The following ZNF804B variants were observed in gnomAD, a reference collection of about 807,000 sequenced individuals.
The protein encoded by ZNF804B is zinc finger protein 804B, also known as zinc finger 804B.
A neutral mutation model predicts 101.4 loss-of-function variants in ZNF804B; 80 were observed. That is an observed-to-expected ratio of 0.79 (90% confidence interval 0.66 to 0.95). ZNF804B has a LOEUF of 0.95. ZNF804B is among the 40% of genes least tolerant of loss of function. ZNF804B has a pLI of 0.00. For missense variants in ZNF804B, 1,673 were observed against 1,561.9 expected (o/e 1.07, Z -1.20); for synonymous variants, 622 against 558.8 (o/e 1.11, Z -1.59).
At chr7:89,329,473 T>C (rs928410699) in intron 3 of ZNF804B, among the ~76,000 whole-genome samples, 2 of 151,758 alleles carry the variant, frequency 1.3e-5, no homozygotes, top group Admixed American at 1.3e-4. Context: ...CTTTGTCCTT[T>C]TTCCTCATAA....
intron 1 of ZNF804B, among the ~76,000 whole-genome samples, chr7:89,065,806 G>A (rs1035896209): frequency 6.6e-5 from 10 of 151,748 alleles, no homozygotes; most frequent in African/African-American, 9.7e-5. Context: ...TTCCATCTTC[G>A]GATCCTCTTT....
intron 2 of ZNF804B, among the ~76,000 whole-genome samples, chr7:89,269,600 A>G (rs567694299): frequency 1.1e-3 from 172 of 152,256 alleles, no homozygotes; most frequent in African/African-American, 3.8e-3. Context: ...GGCTGGGTCA[A>G]ATGGTATTTC....
At chr7:89,263,718 A>C (rs1472212271) in intron 2 of ZNF804B, among the ~76,000 whole-genome samples, 1 of 152,086 alleles carries the variant, frequency 6.6e-6, no homozygotes, top group Non-Finnish European at 1.5e-5. Flanking sequence ...ACACAGGGAG[A>C]AGGAACAGAA....
chr7:89,182,216 G>A lies in ZNF804B; in HGVS notation c.109-35939G>A, dbSNP rs56828131. 6.3e-3 allele frequency among the ~76,000 whole-genome samples: 958 copies of A among 152,140 alleles called. 8 individuals carry two copies. Among genetic ancestry groups the A allele is most frequent in the African/African-American group, 0.019 (789 of 41,514 alleles). On this transcript the variant is annotated intron_variant, in intron 1 of 3. Transcript: ENST00000333190. ...ATAGTATTGTGGATATAATTTATGC[G>A]TCTAAAATTGAGATGCCATGTAAAA... is the stretch of plus-strand genomic sequence containing the variant.
At chr7:89,116,272 A>G (rs1301295813) in intron 1 of ZNF804B, among the ~76,000 whole-genome samples, 2 of 152,046 alleles carry the variant, frequency 1.3e-5, no homozygotes, top group Non-Finnish European at 2.9e-5. Context: ...TGAATAAGGT[A>G]TTTGTGATGT....
chr7:89,290,062 A>T (rs1584107523), intron 2 of ZNF804B, among the ~76,000 whole-genome samples: 1 of 152,104 alleles, frequency 6.6e-6, no homozygotes, highest in African/African-American at 2.4e-5. Flanking sequence ...TTGTGAGGCC[A>T]CCCTTCCAGT....
chr7:89,204,713 C>T (rs1031838495), intron 1 of ZNF804B, among the ~76,000 whole-genome samples: 2 of 152,072 alleles, frequency 1.3e-5, no homozygotes, highest in Non-Finnish European at 2.9e-5. Flanking sequence ...TATTCTTATA[C>T]CATACATTGT....
In ZNF804B at chr7:88,889,785, G is replaced by T. The variant is rs570895737; in HGVS notation, c.108+129701G>T. ...TGCAGAAGTTTTTGAATTTAATTAA[G>T]TCTCACTTGTCGATTTTTATTTTTG... is the stretch of plus-strand genomic sequence containing the variant. On this transcript the variant is annotated intron_variant, in intron 1 of 3. Transcript: ENST00000333190. Among the ~76,000 whole-genome samples the T allele has an allele frequency of 2.6e-5, 4 of 152,234 alleles. No individual in the cohort carries two copies. The South Asian group carries it at 8.3e-4, about 32-fold the overall frequency.
intron 1 of ZNF804B, among the ~76,000 whole-genome samples, chr7:88,895,937 A>C (rs1418046727): frequency 6.6e-6 from 1 of 152,226 alleles, no homozygotes; most frequent in Admixed American, 6.5e-5. Flanking sequence ...AATTATGTAG[A>C]CACTGTTCCA....
At chr7:89,145,655 A>T (rs1790780029) in intron 1 of ZNF804B, among the ~76,000 whole-genome samples, 1 of 152,034 alleles carries the variant, frequency 6.6e-6, no homozygotes, top group African/African-American at 2.4e-5. Flanking sequence ...TCAATTTAAT[A>T]CATTCATTGA....
chr7:89,109,616 A>G (rs1456956018), intron 1 of ZNF804B, among the ~76,000 whole-genome samples: 1 of 152,104 alleles, frequency 6.6e-6, no homozygotes, highest in African/African-American at 2.4e-5. Context: ...ACATTTTTGC[A>G]TTACTGCTGA....
At chr7:89,158,253 A>G (rs1791005957) in intron 1 of ZNF804B, among the ~76,000 whole-genome samples, 1 of 152,082 alleles carries the variant, frequency 6.6e-6, no homozygotes, top group African/African-American at 2.4e-5. Context: ...AAGATTTGTC[A>G]CTGACTTTCT....
At chr7:89,092,684 T>C (rs1373275177) in intron 1 of ZNF804B, among the ~76,000 whole-genome samples, 2 of 152,146 alleles carry the variant, frequency 1.3e-5, no homozygotes, top group Non-Finnish European at 2.9e-5. Context: ...GTGCGTTGAT[T>C]TATTTTCTTC....
chr7:89,001,059 T>G (rs574338507), intron 1 of ZNF804B, among the ~76,000 whole-genome samples: 1 of 147,432 alleles, frequency 6.8e-6, no homozygotes, highest in Non-Finnish European at 1.5e-5. Flanking sequence ...GGGGTGGGGA[T>G]GGGGTTGGAA....
intron 1 of ZNF804B, among the ~76,000 whole-genome samples, chr7:88,854,596 C>T (rs1264884843): frequency 1.5e-5 from 2 of 129,706 alleles, no homozygotes; most frequent in Non-Finnish European, 1.6e-5. Flanking sequence ...CCCTTTATTC[C>T]TTCCCTTTCT....
At chr7:88,922,703 A>C (rs1409981046) in intron 1 of ZNF804B, among the ~76,000 whole-genome samples, 2 of 151,994 alleles carry the variant, frequency 1.3e-5, no homozygotes, top group Non-Finnish European at 2.9e-5. Flanking sequence ...TGTGCTATTT[A>C]CCAAAGTGAC....
intron 1 of ZNF804B, among the ~76,000 whole-genome samples, chr7:89,211,926 A>C (rs1206174077): frequency 6.6e-6 from 1 of 152,182 alleles, no homozygotes; most frequent in Non-Finnish European, 1.5e-5. Context: ...TTTGTAAATT[A>C]CTTTGAGCAG....
chr7:88,974,396 A>G (rs1584048289), intron 1 of ZNF804B, among the ~76,000 whole-genome samples: 2 of 151,440 alleles, frequency 1.3e-5, no homozygotes, highest in South Asian at 2.1e-4. Context: ...AACATAAATG[A>G]TAATTATGTG....
At chr7:88,942,029 G>A (rs911410206) in intron 1 of ZNF804B, among the ~76,000 whole-genome samples, 2 of 151,788 alleles carry the variant, frequency 1.3e-5, no homozygotes, top group African/African-American at 2.4e-5. Flanking sequence ...AAGCTCTTCC[G>A]TTTTCTCTGA....
Sources: gnomAD v4.1 joint callset for allele counts (sites outside exome capture counted in the v4.1 genomes callset) on GRCh38, gnomAD v4.1.1 for gene constraint, MANE v1.5 for transcripts, NCBI Gene and HGNC (gene_info 2026-07-23, HGNC 2026-07-21) for gene names.